AK9: variants seen among roughly 807,000 people sequenced by gnomAD.
AK9 encodes adenylate kinase 9.
AK9 carries 191 observed loss-of-function variants against 239.6 expected under a neutral mutation model. That is an observed-to-expected ratio of 0.80 (90% CI 0.71 to 0.90). AK9 has a LOEUF of 0.90. AK9 is among the 40% of genes least tolerant of loss of function. The pLI, the probability that AK9 is intolerant of heterozygous loss-of-function variation, is 0.00. For synonymous variants in AK9, 689 were observed against 721.0 expected, an observed-to-expected ratio of 0.96 and a Z score of 0.71; for missense variants, 1,995 against 2,214.7, an observed-to-expected ratio of 0.90 and a Z score of 1.99.
chr6:109,549,163 T>C (rs1212624400), intron 25 of AK9, among the ~76,000 whole-genome samples: 2 of 152,144 alleles, frequency 1.3e-5, no homozygotes, highest in African/African-American at 2.4e-5. Context: ...ATGGTAACAA[T>C]AGCCACTCAA....
intron 24 of AK9, among the ~76,000 whole-genome samples, chr6:109,553,448 A>G (rs1784596038): frequency 6.6e-6 from 1 of 151,840 alleles, no homozygotes; most frequent in African/African-American, 2.4e-5. Flanking sequence ...TAGGTATTTT[A>G]TTCTCTTTGT....
Position 109,662,575 on chromosome 6 carries a change from T to A in AK9, c.420A>T (p.Lys140Asn), listed in dbSNP as rs1487662868. 1 of 1,570,922 alleles carries A rather than the reference T, an allele frequency of 6.4e-7. No homozygotes were observed. The highest frequency in any genetic ancestry group is 2.4e-5 in the East Asian group (1 of 42,430). The change falls in exon 6 of 41, where the codon AAA (lysine) becomes AAT (asparagine). Residue 140 changes from lysine (K) to asparagine (N), a missense_variant. Lys to Asn is a moderately conservative substitution (Grantham distance 94). This residue lies in a region of AK9 where 252 missense variants were observed against 246.4 expected (regional missense o/e 1.02). Transcript: ENST00000424296. The part of the protein sequence containing the change: ...QIELIKNLNL[K>N]PDVIINIKCP... ...CCTTTATATTGATTATAACATCAGG[T>A]TTCAGGTTTAAGTTTTTAATTAATT...
intron 7 of AK9, among the ~76,000 whole-genome samples, chr6:109,657,283 C>A (rs1397522465): frequency 6.6e-6 from 1 of 152,086 alleles, no homozygotes; most frequent in Non-Finnish European, 1.5e-5. Context: ...GAACAGTGAA[C>A]AAAACCAACT....
chr6:109,494,014 A>C lies in AK9; in HGVS notation c.5500T>G (p.Ser1834Ala). 1 of 1,613,558 alleles carries C rather than the reference A, an allele frequency of 6.2e-7. No individual in the cohort carries two copies. The highest frequency in any genetic ancestry group is 8.5e-7 in the Non-Finnish European group (1 of 1,179,522). ...TGAAGTGCTATATATAGCAGTGCAG[A>C]TCTCCTTATACTTAAAAAGGGGAAC... ...PKFPFLSIRR[S>A]ALLYIALHLK... Residue 1834 changes from serine (S) to alanine (A), a missense_variant, in exon 40 of 41, where the codon TCT (serine) becomes GCT (alanine). Transcript: ENST00000424296.
intron 1 of AK9, among the ~76,000 whole-genome samples, chr6:109,680,567 A>G (rs1096138): frequency 0.23 from 35,177 of 152,130 alleles, 4,984 homozygotes; most frequent in Non-Finnish European, 0.34. Flanking sequence ...CCAACCTAGC[A>G]AGGCAGGCCA....
chr6:109,630,273 T>C (rs1795976887), intron 12 of AK9, among the ~76,000 whole-genome samples: 1 of 152,124 alleles, frequency 6.6e-6, no homozygotes, highest in Non-Finnish European at 1.5e-5. Context: ...AAAGAGGGGC[T>C]AAATAAATGG....
intron 12 of AK9, among the ~76,000 whole-genome samples, chr6:109,621,683 A>C (rs1794825835): frequency 8.0e-6 from 1 of 124,340 alleles, no homozygotes; most frequent in Admixed American, 8.6e-5. Flanking sequence ...ATAGGTGGGA[A>C]TTGAACAATG....
intron 27 of AK9, among the ~76,000 whole-genome samples, chr6:109,538,786 G>T (rs970073689): frequency 1.2e-4 from 19 of 152,150 alleles, no homozygotes; most frequent in South Asian, 2.1e-4. Context: ...AGGAGCTCTT[G>T]TAGGGCAGGC....
chr6:109,553,172 G>A (rs1206237767), intron 24 of AK9, among the ~76,000 whole-genome samples: 4 of 152,160 alleles, frequency 2.6e-5, no homozygotes, highest in Non-Finnish European at 5.9e-5. Context: ...GCTTAGAATT[G>A]TCTTGGCTAT....
At chr6:109,619,498 T>C (rs917698894) in intron 12 of AK9, among the ~76,000 whole-genome samples, 6 of 152,242 alleles carry the variant, frequency 3.9e-5, no homozygotes, top group Admixed American at 2.0e-4. Flanking sequence ...AGATTATGTA[T>C]ATATTTTGAC....
intron 21 of AK9, among the ~76,000 whole-genome samples, chr6:109,572,325 C>T (rs1448899603): frequency 6.6e-6 from 1 of 152,118 alleles, no homozygotes; most frequent in Non-Finnish European, 1.5e-5. Flanking sequence ...AGATTCCCTG[C>T]AAGTAGGGGT....
At chr6:109,538,429 T>C (rs187915107) in intron 27 of AK9, among the ~76,000 whole-genome samples, 4,382 of 152,152 alleles carry the variant, frequency 0.029, 94 homozygotes, top group East Asian at 0.11. Flanking sequence ...GATTGCAACA[T>C]CTGCCTTTTT....
chr6:109,641,471 C>A (rs1419356194), intron 10 of AK9, 47 bp downstream of exon 10: 3 of 1,507,456 alleles, frequency 2.0e-6, no homozygotes, highest in African/African-American at 2.8e-5. Flanking sequence ...ACCCTGCCCA[C>A]AACATATATT....
At chr6:109,662,981 A>G (rs1018290685) in intron 5 of AK9, among the ~76,000 whole-genome samples, 2 of 152,102 alleles carry the variant, frequency 1.3e-5, no homozygotes, top group African/African-American at 4.8e-5. Flanking sequence ...TCATGTTAGG[A>G]AAGTTTACTC....
At chr6:109,659,472 T>C (rs941861908) in intron 6 of AK9, 59 bp from the exon 7 acceptor site, 6 of 1,543,936 alleles carry the variant, frequency 3.9e-6, no homozygotes, top group African/African-American at 1.4e-5. Context: ...TAATTCCCTG[T>C]GTATTTATTG....
At chr6:109,595,465 C>T (rs186030457) in intron 17 of AK9, among the ~76,000 whole-genome samples, 9 of 152,148 alleles carry the variant, frequency 5.9e-5, no homozygotes, top group African/African-American at 2.2e-4. Flanking sequence ...GATCTAGAAC[C>T]AGAAATACCA....
At chr6:109,659,178 T>C (rs544034937) in intron 7 of AK9, 50 bp downstream of exon 7, 16 of 1,452,166 alleles carry the variant, frequency 1.1e-5, no homozygotes, top group Admixed American at 2.6e-5. Context: ...ACCTTAATTA[T>C]AGCAATTTTA....
chr6:109,678,838 C>A (rs1772165806), intron 1 of AK9, among the ~76,000 whole-genome samples: 1 of 151,974 alleles, frequency 6.6e-6, no homozygotes, highest in South Asian at 2.1e-4. Context: ...ATCGCCTCAC[C>A]CAGGGAGTGC....
intron 1 of AK9, among the ~76,000 whole-genome samples, chr6:109,679,785 A>C (rs914820772): frequency 2.6e-5 from 4 of 152,230 alleles, no homozygotes; most frequent in Non-Finnish European, 4.4e-5. Context: ...GCTGTTCTAC[A>C]GCCTCTGTTG....
Sources: allele counts gnomAD v4.1 joint callset (sites outside exome capture counted in the v4.1 genomes callset), GRCh38; gene constraint gnomAD v4.1.1; regional missense constraint gnomAD v4.1.1; transcripts MANE v1.5; gene names NCBI Gene and HGNC (gene_info 2026-07-23, HGNC 2026-07-21).